Variants in SEC14L1 observed in about 807,000 individuals in gnomAD.
The protein encoded by SEC14L1 is SEC14-like protein 1.
SEC14L1 carries 48 observed loss-of-function variants against 85.3 expected under a neutral mutation model. The ratio of observed to expected loss-of-function variants is 0.56; its 90% CI spans 0.45 to 0.72. The LOEUF is 0.72. Among genes scored for constraint, SEC14L1 ranks in the 30% least tolerant of loss-of-function variants. SEC14L1 has a pLI of 0.00. For synonymous variants in SEC14L1, 391 were observed against 355.5 expected, an observed-to-expected ratio of 1.10 and a Z score of -1.12; for missense variants, 682 against 921.4, an observed-to-expected ratio of 0.74 and a Z score of 3.36.
chr17:77,098,911 A>G (rs1026101569), intron 3 of SEC14L1: 1 of 152,242 alleles, frequency 6.6e-6, no homozygotes, highest in Admixed American at 6.5e-5. Context: ...AATTGCTAGC[A>G]ACAAGACCAC....
chr17:77,088,810 A>C (rs1207004923), exon 1 of SEC14L1: 1 of 152,680 alleles, frequency 6.5e-6, no homozygotes, highest in Non-Finnish European at 1.5e-5. Context: ...CATCGGCCCT[A>C]GCCTGCGGAA....
intron 3 of SEC14L1, among the ~76,000 whole-genome samples, chr17:77,104,926 T>C (rs1055755899): frequency 1.3e-5 from 2 of 151,578 alleles, no homozygotes; most frequent in Non-Finnish European, 2.9e-5. Context: ...GTTTTATACA[T>C]CTTAGGGAGA....
At chr17:77,139,413 C>G (rs1409656134), upstream of SEC14L1, among the ~76,000 whole-genome samples, 1 of 151,848 alleles carries the variant, frequency 6.6e-6, no homozygotes, top group Non-Finnish European at 1.5e-5. Context: ...CTCAGGTGAT[C>G]CACCCACCTA....
intron 2 of SEC14L1, chr17:77,089,325 C>A: frequency 2.0e-6 from 1 of 506,216 alleles, no homozygotes; most frequent in South Asian, 1.4e-5. Context: ...GGGAAAGGCT[C>A]CTGTGTTGTT....
In SEC14L1 at chr17:77,141,063, G is replaced by GC. The variant is rs1477387011; in HGVS notation, c.-176dup. 1 of 151,716 alleles carries GC rather than the reference G, an allele frequency of 6.6e-6. No homozygotes were observed. Among genetic ancestry groups the GC allele is most frequent in the Non-Finnish European group, 1.5e-5 (1 of 68,090 alleles). The allele number at this position is 151,716 out of a possible 1,614,324, so 9.4% of individuals were successfully genotyped here. On this transcript the variant is annotated 5_prime_UTR_variant, in exon 1 of 17. It removes the in-frame stop codon of an upstream open reading frame in the 5' UTR. Coordinates refer to ENST00000436233, the MANE Select transcript of SEC14L1 (RefSeq NM_001143998.2). ...GCCCCGCGGAGCCGCCGGTATGAGC[G>GC]CCCCTCGCCACCCCGTGTCCCAGGC...
At chr17:77,111,410 T>TTTTTA (rs1972043395) in intron 3 of SEC14L1, among the ~76,000 whole-genome samples, 1 of 151,520 alleles carries the variant, frequency 6.6e-6, no homozygotes, top group African/African-American at 2.4e-5. Context: ...TTTTTTTTTT[T>TTTTTA]GAGACAGAGT....
At chr17:77,171,116 G>GT (rs60530098) in intron 3 of SEC14L1, among the ~76,000 whole-genome samples, 3,130 of 151,674 alleles carry the variant, frequency 0.021, 108 homozygotes, top group African/African-American at 0.069. Flanking sequence ...TGATTTATTA[G>GT]TTTTTTTTGC....
intron 3 of SEC14L1, among the ~76,000 whole-genome samples, chr17:77,170,594 A>G (rs1307701967): frequency 6.6e-6 from 1 of 152,154 alleles, no homozygotes; most frequent in Non-Finnish European, 1.5e-5. Context: ...ATTAGAGTTT[A>G]AGTAAGGCAG....
At chr17:77,090,707 G>T in intron 2 of SEC14L1, among the ~76,000 whole-genome samples, 1 of 150,902 alleles carries the variant, frequency 6.6e-6, no homozygotes, top group Non-Finnish European at 1.5e-5. Flanking sequence ...AAAAGGTGAA[G>T]AGCTGGGCGC....
intron 3 of SEC14L1, among the ~76,000 whole-genome samples, chr17:77,150,808 C>T (rs1316886): frequency 0.019 from 2,917 of 152,312 alleles, 40 homozygotes; most frequent in Non-Finnish European, 0.028. Context: ...TCCGCCCACC[C>T]GTACCTTGCC....
At chr17:77,146,795 T>C (rs941729282) in intron 3 of SEC14L1, among the ~76,000 whole-genome samples, 2 of 152,238 alleles carry the variant, frequency 1.3e-5, no homozygotes, top group African/African-American at 4.8e-5. Flanking sequence ...AAATGAAATA[T>C]GTTACCTTTT....
Position 77,124,974 on chromosome 17 carries a change from CTATTATTAT to C in SEC14L1, c.-135-17655_-135-17647del, listed in dbSNP as rs10569580. Among the ~76,000 whole-genome samples, 13 of 87,436 alleles carry C rather than the reference CTATTATTAT, an allele frequency of 1.5e-4. No homozygotes were observed. The East Asian group carries it at 3.1e-3, about 21-fold the overall frequency. The allele number at this position is 87,436 out of a possible 152,430, so 57.4% of individuals were successfully genotyped here. On this transcript the variant is annotated intron_variant, in intron 3 of 19. Coordinates refer to the SEC14L1 transcript ENST00000392476. ...TAGAACATAAGAATAAGTGGATTTACTATTATTATTATTATTATTATTATTTTTATTATT... is the reference window on the plus strand; with the variant it reads ...TAGAACATAAGAATAAGTGGATTTACTATTATTATTATTATTTTTATTATT...
At chr17:77,187,378 C>T (rs552829679) in intron 3 of SEC14L1, among the ~76,000 whole-genome samples, 4 of 151,942 alleles carry the variant, frequency 2.6e-5, no homozygotes, top group East Asian at 1.9e-4. Flanking sequence ...ATGCCCCCCC[C>T]CCACACCCCT....
At position 77,214,879 on chromosome 17, in the gene SEC14L1, C is replaced by T. The variant is rs1003971709; in HGVS notation, c.*856C>T. 1 of 985,338 alleles carries T rather than the reference C, an allele frequency of 1.0e-6. No homozygotes were observed. The highest frequency in any genetic ancestry group is 6.1e-5 in the Admixed American group (1 of 16,264). The allele number at this position is 985,338 out of a possible 1,614,324, so 61.0% of individuals were successfully genotyped here. A position where few individuals can be genotyped will look rare whatever the true frequency, so the allele number is the denominator to read the frequency against. ...TCTGTGCCCTCTGGTGGCTCATTGT[C>T]CTCAGAGCCCAGACAGTTCCAGCCA... On this transcript the variant is annotated 3_prime_UTR_variant, in exon 17 of 17. Coordinates refer to ENST00000436233, the MANE Select transcript of SEC14L1 (RefSeq NM_001143998.2).
intron 3 of SEC14L1, among the ~76,000 whole-genome samples, chr17:77,179,957 A>G (rs943408783): frequency 8.0e-5 from 12 of 150,514 alleles, no homozygotes; most frequent in Admixed American, 6.6e-4. Context: ...GATTACAGGC[A>G]TGAGCCGCCG....
Position 77,123,414 on chromosome 17 carries a change from C to CTTTTTTTTTTTTTTTT in SEC14L1, c.-135-19217_-135-19216insTTTTTTTTTTTTTTTT, listed in dbSNP as rs71280842. On this transcript the variant is annotated intron_variant, in intron 3 of 19. Coordinates refer to the SEC14L1 transcript ENST00000392476. ...CCCTGAAGTGGGTCCCAGGCCCACT[C>CTTTTTTTTTTTTTTTT]TTTTTTTTTTTTTTTGAGACAGAGC... Among the ~76,000 whole-genome samples the CTTTTTTTTTTTTTTTT allele has an allele frequency of 5.0e-5, 4 of 80,512 alleles. 1 individual carries two copies. Among genetic ancestry groups the CTTTTTTTTTTTTTTTT allele is most frequent in the African/African-American group, 1.2e-4 (2 of 16,492 alleles). The allele number at this position is 80,512 out of a possible 152,430, so 52.8% of individuals were successfully genotyped here.
At position 77,194,829 on chromosome 17, in the gene SEC14L1, A is replaced by T. The variant is rs199651234; in HGVS notation, c.627A>T (p.Pro209=). ...KQAASMAVVI[P]EAALKEGLSG... ...CAGCGTCCATGGCCGTCGTCATCCC[A>T]GAAGCTGCCCTCAAGGAGGGGCTGA... is the stretch of plus-strand genomic sequence containing the variant. The change falls in exon 7 of 17, where the codon CCA becomes CCT. Residue 209 remains proline, a synonymous_variant. Transcript: ENST00000436233. 9.4e-5 allele frequency: 152 copies of T among 1,614,094 alleles called. 1 individual carries two copies. The highest frequency in any genetic ancestry group is 1.6e-4 in the South Asian group (15 of 91,088).
intron 3 of SEC14L1, among the ~76,000 whole-genome samples, chr17:77,100,125 T>A (rs867656826): frequency 3.7e-4 from 56 of 152,380 alleles, no homozygotes; most frequent in African/African-American, 1.3e-3. Context: ...GCGGGCGTGC[T>A]GCGCTGCTTC....
chr17:77,213,876 C>T lies in SEC14L1; in HGVS notation c.2043-42C>T, dbSNP rs778294695. 1.0e-5 allele frequency: 16 copies of T among 1,607,002 alleles called. No homozygotes were observed. Among genetic ancestry groups the T allele is most frequent in the African/African-American group, 1.3e-5 (1 of 74,948 alleles). ...GCAGTGTGGGCCGGCGGGTGGTTGG[C>T]AGGGTGGTCCTCACGCCTCGCCCCT... On this transcript the variant is annotated intron_variant, in intron 16 of 16. Transcript: ENST00000436233. This position sits in a 1 kb window ranked among gnomAD's most constrained non-coding sequence, Gnocchi z 7.1.
Sources: allele counts gnomAD v4.1 joint callset (sites outside exome capture counted in the v4.1 genomes callset), GRCh38; gene constraint gnomAD v4.1.1; non-coding constraint Gnocchi (gnomAD v3.1); transcripts MANE v1.5; gene names NCBI Gene and HGNC (gene_info 2026-07-23, HGNC 2026-07-21).